The following CRISPLD1 variants were observed in gnomAD, a reference collection of about 807,000 sequenced individuals.
The protein encoded by CRISPLD1 is cysteine rich secretory protein LCCL domain containing 1.
A neutral mutation model predicts 77.5 loss-of-function variants in CRISPLD1; 60 were observed. The ratio of observed to expected loss-of-function variants is 0.77; its 90% CI spans 0.63 to 0.96. The LOEUF (loss-of-function observed/expected upper bound fraction) is 0.96, where lower values mean the gene tolerates loss of function less well. CRISPLD1 is among the 40% of genes least tolerant of loss of function. The probability of loss-of-function intolerance (pLI) is 0.00; values close to 1 mark genes in which losing one functional copy is unlikely to be tolerated. For synonymous variants in CRISPLD1, 195 were observed against 200.1 expected, an observed-to-expected ratio of 0.97 and a Z score of 0.22; for missense variants, 623 against 615.8, an observed-to-expected ratio of 1.01 and a Z score of -0.12.
At chr8:74,993,365 G>C (rs118077709) in intron 2 of CRISPLD1, among the ~76,000 whole-genome samples, 1,640 of 152,218 alleles carry the variant, frequency 0.011, 8 homozygotes, top group Middle Eastern at 0.017. Flanking sequence ...AAAGGTGTAT[G>C]AAATTTCTGT....
rs1194066032 is a variant in CRISPLD1, at chr8:74,986,153, G to A, written c.166G>A (p.Ala56Thr). 1 of 1,614,078 alleles carries A rather than the reference G, an allele frequency of 6.2e-7. No individual in the cohort carries two copies. Among genetic ancestry groups the A allele is most frequent in the Admixed American group, 1.7e-5 (1 of 60,002 alleles). ...WWIAKQRGKR[A>T]ITDNDMQSIL... ...GATAGCCAAACAACGAGGGAAAAGGGCCATCACAGACAATGACATGCAGAG... is the reference window on the plus strand; with the variant it reads ...GATAGCCAAACAACGAGGGAAAAGGACCATCACAGACAATGACATGCAGAG... Residue 56 changes from alanine to threonine, a missense_variant, in exon 2 of 15, where the codon GCC becomes ACC. By Grantham distance (58) the Ala-to-Thr change is moderately conservative (BLOSUM62 0). Coordinates refer to ENST00000262207, the MANE Select transcript of CRISPLD1 (RefSeq NM_031461.6).
At chr8:75,007,203 A>G (rs1812847209) in intron 2 of CRISPLD1, among the ~76,000 whole-genome samples, 1 of 152,180 alleles carries the variant, frequency 6.6e-6, no homozygotes, top group Non-Finnish European at 1.5e-5. Context: ...GTAAATCTGG[A>G]AAGAGTATTA....
intron 12 of CRISPLD1, among the ~76,000 whole-genome samples, chr8:75,023,659 G>A (rs1475801058): frequency 1.3e-5 from 2 of 152,080 alleles, no homozygotes; most frequent in African/African-American, 4.8e-5. Context: ...AGTATATTTA[G>A]AATACTTTTA....
chr8:75,033,692 A>T lies in CRISPLD1; in HGVS notation c.*1450A>T, dbSNP rs371579461. On this transcript the variant is annotated 3_prime_UTR_variant, in exon 15 of 15. Coordinates refer to ENST00000262207, the MANE Select transcript of CRISPLD1 (RefSeq NM_031461.6). ...CAATGATCAAGGAAAGCAAGAGAGC[A>T]GATAATACAAAAGAAAAAGAAGAAG... 12 of 152,136 alleles carry T rather than the reference A, an allele frequency of 7.9e-5. No individual in the cohort carries two copies. The East Asian group carries it at 2.3e-3, about 29-fold the overall frequency. The allele number at this position is 152,136 out of a possible 1,614,324, so 9.4% of individuals were successfully genotyped here.
At chr8:75,001,238 A>G (rs1478057718) in intron 2 of CRISPLD1, among the ~76,000 whole-genome samples, 1 of 152,182 alleles carries the variant, frequency 6.6e-6, no homozygotes. Flanking sequence ...CTTTTGGCTT[A>G]GGGCAAACAT....
chr8:74,986,593 A>G (rs1393691089), intron 2 of CRISPLD1, among the ~76,000 whole-genome samples: 2 of 152,246 alleles, frequency 1.3e-5, no homozygotes, highest in Non-Finnish European at 2.9e-5. Context: ...GAACCTTTTT[A>G]TGAATGGTGG....
intron 12 of CRISPLD1, among the ~76,000 whole-genome samples, chr8:75,024,544 C>G (rs1410313720): frequency 6.6e-6 from 1 of 152,090 alleles, no homozygotes; most frequent in Non-Finnish European, 1.5e-5. Flanking sequence ...AGGCTGGTCA[C>G]AAACTCCTGA....
At chr8:74,994,986 G>T (rs145490651) in intron 2 of CRISPLD1, among the ~76,000 whole-genome samples, 134 of 152,254 alleles carry the variant, frequency 8.8e-4, no homozygotes, top group African/African-American at 2.6e-3. Flanking sequence ...AAATGAATGT[G>T]TCAGGTATGC....
chr8:75,001,598 TACCGTCATTGTGTGGA>T (rs1210421297), intron 2 of CRISPLD1, among the ~76,000 whole-genome samples: 1 of 152,228 alleles, frequency 6.6e-6, no homozygotes, highest in Non-Finnish European at 1.5e-5. Flanking sequence ...TGGTAGAAGT[TACCGTCATTGTGTGGA>T]AGGGAATATG....
chr8:75,001,732 T>G (rs1452099661), intron 2 of CRISPLD1, among the ~76,000 whole-genome samples: 1 of 144,914 alleles, frequency 6.9e-6, no homozygotes, highest in African/African-American at 2.4e-5. Context: ...GCCTCAATTA[T>G]GGAGATATTT....
intron 2 of CRISPLD1, among the ~76,000 whole-genome samples, chr8:74,992,373 G>A (rs546098073): frequency 1.6e-4 from 25 of 152,214 alleles, no homozygotes; most frequent in African/African-American, 5.8e-4. Flanking sequence ...TAAACTATTA[G>A]TAAAGGTATT....
At position 75,019,891 on chromosome 8, in the gene CRISPLD1, C is replaced by A; in HGVS notation, c.1149C>A (p.Ser383=). The change falls in exon 11 of 15, where the codon TCC becomes TCA. Residue 383 remains serine, a synonymous_variant. Transcript: ENST00000262207. ...TCAGCAAATATCAGTCTGCTAATTC[C>A]TTCACAGTCTCTAAAGTAACAGGTT... ...QTIGKYQSAN[S]FTVSKVTVQA... The A allele has an allele frequency of 2.5e-6, 4 of 1,612,968 alleles. No individual in the cohort carries two copies. The highest frequency in any genetic ancestry group is 1.3e-5 in the African/African-American group (1 of 75,000).
chr8:75,023,095 GT>G (rs1813167764), intron 12 of CRISPLD1, among the ~76,000 whole-genome samples: 1 of 130,416 alleles, frequency 7.7e-6, no homozygotes, highest in Admixed American at 7.6e-5. Flanking sequence ...AAAAAAAAAA[GT>G]TTACCGGACC....
chr8:74,992,924 T>C (rs1443984877), intron 2 of CRISPLD1, among the ~76,000 whole-genome samples: 1 of 151,064 alleles, frequency 6.6e-6, no homozygotes, highest in African/African-American at 2.4e-5. Flanking sequence ...TTTTTTTTTT[T>C]TTCCTTCTGT....
At chr8:75,024,220 C>T (rs986045530) in intron 12 of CRISPLD1, among the ~76,000 whole-genome samples, 1 of 152,130 alleles carries the variant, frequency 6.6e-6, no homozygotes. Flanking sequence ...AGATGCAGGG[C>T]TTATTGACCT....
At chr8:75,010,227 G>T (rs1240939943) in intron 2 of CRISPLD1, among the ~76,000 whole-genome samples, 1 of 151,954 alleles carries the variant, frequency 6.6e-6, no homozygotes, top group Non-Finnish European at 1.5e-5. Flanking sequence ...ATATTTCAGA[G>T]CCACAATGGA....
intron 10 of CRISPLD1, among the ~76,000 whole-genome samples, chr8:75,017,793 A>G (rs149130233): frequency 3.3e-5 from 5 of 152,282 alleles, no homozygotes; most frequent in African/African-American, 9.6e-5. Flanking sequence ...TTCCTGTCCT[A>G]TTTAGGGAAA....
At chr8:74,993,172 G>C (rs1812599070) in intron 2 of CRISPLD1, among the ~76,000 whole-genome samples, 1 of 151,924 alleles carries the variant, frequency 6.6e-6, no homozygotes, top group Non-Finnish European at 1.5e-5. Flanking sequence ...TCCTAATCTT[G>C]GTACAAGTGC....
intron 2 of CRISPLD1, among the ~76,000 whole-genome samples, chr8:74,998,041 T>C (rs1381322148): frequency 6.6e-6 from 1 of 152,140 alleles, no homozygotes; most frequent in Non-Finnish European, 1.5e-5. Flanking sequence ...TTAGAGAGCA[T>C]GTTTGCAGGT....
Sources: allele counts gnomAD v4.1 joint callset (sites outside exome capture counted in the v4.1 genomes callset), GRCh38; gene constraint gnomAD v4.1.1; transcripts MANE v1.5; gene names NCBI Gene and HGNC (gene_info 2026-07-23, HGNC 2026-07-21).